The following EXOC4 variants were observed in gnomAD, a reference collection of about 807,000 sequenced individuals.
EXOC4 encodes SEC8-like 1.
EXOC4 carries 71 observed loss-of-function variants against 107.2 expected under a neutral mutation model. That is an observed-to-expected ratio of 0.66 (90% CI 0.55 to 0.81). The LOEUF is 0.81. EXOC4 is among the 30% of genes least tolerant of loss of function. The probability of loss-of-function intolerance (pLI) is 0.00; values close to 1 mark genes in which losing one functional copy is unlikely to be tolerated. For missense variants in EXOC4, 1,108 were observed against 1,189.6 expected (o/e 0.93, Z 1.01); for synonymous variants, 456 against 441.2 (o/e 1.03, Z -0.42).
chr7:133,347,653 A>G (rs1044133494), intron 5 of EXOC4, among the ~76,000 whole-genome samples: 4 of 152,150 alleles, frequency 2.6e-5, no homozygotes, highest in African/African-American at 9.7e-5. Flanking sequence ...CCCTCCTTTC[A>G]TGATTCCATT....
intron 10 of EXOC4, among the ~76,000 whole-genome samples, chr7:133,745,380 T>A (rs1001927838): frequency 1.3e-5 from 2 of 152,156 alleles, no homozygotes; most frequent in Non-Finnish European, 2.9e-5. Flanking sequence ...AAACTTACTG[T>A]CTAATTTTAT....
chr7:134,002,472 T>C (rs1049338422), intron 15 of EXOC4, among the ~76,000 whole-genome samples: 1 of 152,136 alleles, frequency 6.6e-6, no homozygotes, highest in African/African-American at 2.4e-5. Flanking sequence ...AAGTTATAAA[T>C]TGAACTTCAT....
chr7:133,969,221 A>G (rs1269534933), intron 14 of EXOC4, among the ~76,000 whole-genome samples: 1 of 151,934 alleles, frequency 6.6e-6, no homozygotes, highest in African/African-American at 2.4e-5. Flanking sequence ...TAAACTGGTT[A>G]TTCTAGTTAG....
chr7:133,928,791 G>A (rs1157756271), intron 13 of EXOC4, among the ~76,000 whole-genome samples: 6 of 152,168 alleles, frequency 3.9e-5, no homozygotes, highest in Admixed American at 3.9e-4. Flanking sequence ...TCAGAGGAGG[G>A]GGTCCTCACC....
At chr7:133,700,047 A>T (rs973151829) in intron 10 of EXOC4, among the ~76,000 whole-genome samples, 1 of 152,220 alleles carries the variant, frequency 6.6e-6, no homozygotes. Context: ...TTTTCAAAAA[A>T]ACCTGCATTT....
chr7:133,884,579 CTCTGTGTGTG>C (rs1456131483), intron 11 of EXOC4, among the ~76,000 whole-genome samples: 1 of 113,296 alleles, frequency 8.8e-6, no homozygotes, highest in Non-Finnish European at 1.7e-5. Flanking sequence ...TTGCCCTATG[CTCTGTGTGTG>C]TGTGTGTGTG....
At chr7:133,565,297 A>T (rs1177875830) in intron 9 of EXOC4, among the ~76,000 whole-genome samples, 1 of 152,204 alleles carries the variant, frequency 6.6e-6, no homozygotes, top group Non-Finnish European at 1.5e-5. Context: ...CATCTGTGAA[A>T]TGACAGTAGT....
intron 16 of EXOC4, among the ~76,000 whole-genome samples, chr7:134,007,170 A>T (rs1210357796): frequency 6.6e-6 from 1 of 152,194 alleles, no homozygotes; most frequent in African/African-American, 2.4e-5. Flanking sequence ...GTTGAAATAT[A>T]TTAACATTAT....
At chr7:133,518,935 T>C (rs924014569) in intron 9 of EXOC4, among the ~76,000 whole-genome samples, 1 of 152,278 alleles carries the variant, frequency 6.6e-6, no homozygotes, top group Non-Finnish European at 1.5e-5. Flanking sequence ...ACACCATGAA[T>C]GTACTTAATA....
intron 10 of EXOC4, among the ~76,000 whole-genome samples, chr7:133,770,141 A>C (rs1380528411): frequency 6.6e-6 from 1 of 151,944 alleles, no homozygotes; most frequent in East Asian, 1.9e-4. Context: ...TTTTATAATC[A>C]TAATATTAGT....
intron 10 of EXOC4, among the ~76,000 whole-genome samples, chr7:133,702,663 G>A (rs928682532): frequency 6.6e-6 from 1 of 152,034 alleles, no homozygotes. Context: ...AACATCAGAA[G>A]CAGTTGAGGG....
intron 5 of EXOC4, among the ~76,000 whole-genome samples, chr7:133,321,621 A>G (rs1389179014): frequency 1.3e-5 from 2 of 152,180 alleles, no homozygotes; most frequent in Admixed American, 1.3e-4. Flanking sequence ...TATCCAGTCT[A>G]TCATTGATGG....
intron 7 of EXOC4, among the ~76,000 whole-genome samples, chr7:133,431,143 C>T (rs1797846957): frequency 6.6e-6 from 1 of 152,188 alleles, no homozygotes; most frequent in African/African-American, 2.4e-5. Flanking sequence ...GATTTCCTTG[C>T]CAAATTCTTG....
intron 1 of EXOC4, among the ~76,000 whole-genome samples, chr7:133,269,405 G>A (rs1002140944): frequency 6.6e-6 from 1 of 152,132 alleles, no homozygotes; most frequent in Non-Finnish European, 1.5e-5. Flanking sequence ...ACCTCTGTGA[G>A]CCTCTGATTC....
chr7:133,774,605 G>A (rs2151165885), intron 10 of EXOC4, among the ~76,000 whole-genome samples: 1 of 151,944 alleles, frequency 6.6e-6, no homozygotes, highest in Non-Finnish European at 1.5e-5. Flanking sequence ...CATTTAACTT[G>A]ATTTTCTAGA....
At chr7:133,666,793 G>T (rs187847514) in intron 10 of EXOC4, among the ~76,000 whole-genome samples, 1 of 152,234 alleles carries the variant, frequency 6.6e-6, no homozygotes, top group African/African-American at 2.4e-5. Flanking sequence ...GATGGATTAG[G>T]ACCCAGTAGT....
intron 9 of EXOC4, among the ~76,000 whole-genome samples, chr7:133,573,321 G>T (rs972555629): frequency 2.0e-5 from 3 of 152,144 alleles, no homozygotes; most frequent in Non-Finnish European, 4.4e-5. Context: ...GAGATAAATA[G>T]GCACCAGATC....
chr7:133,609,478 C>G (rs988943210), intron 9 of EXOC4, among the ~76,000 whole-genome samples: 1 of 152,124 alleles, frequency 6.6e-6, no homozygotes, highest in Non-Finnish European at 1.5e-5. Context: ...GCCCTCTTCT[C>G]TCGATTGTGT....
intron 14 of EXOC4, among the ~76,000 whole-genome samples, chr7:133,940,989 A>G (rs1457444659): frequency 1.3e-5 from 2 of 151,894 alleles, no homozygotes; most frequent in East Asian, 3.9e-4. Context: ...GATAGGGTGG[A>G]AAAAGTTTGC....
Sources: gnomAD v4.1 joint callset for allele counts (sites outside exome capture counted in the v4.1 genomes callset) on GRCh38, gnomAD v4.1.1 for gene constraint, MANE v1.5 for transcripts, NCBI Gene and HGNC (gene_info 2026-07-23, HGNC 2026-07-21) for gene names.